The following LRRC4C variants were observed in gnomAD, a reference collection of about 807,000 sequenced individuals.
The protein encoded by LRRC4C is leucine rich repeat containing 4C, also known as leucine-rich repeat-containing protein 4C.
Under a neutral mutation model 33.6 loss-of-function variants are expected in LRRC4C, and 5 were observed. That is an observed-to-expected ratio of 0.15 (90% CI 0.08 to 0.31). The LOEUF is 0.31. Among genes scored for constraint, LRRC4C ranks in the 10% least tolerant of loss-of-function variants. The pLI, the probability that LRRC4C is intolerant of heterozygous loss-of-function variation, is 1.00. For synonymous variants in LRRC4C, 329 were observed against 302.0 expected (o/e 1.09, Z -0.93); for missense variants, 560 against 796.7 (o/e 0.70, Z 3.58).
intron 3 of LRRC4C, among the ~76,000 whole-genome samples, chr11:40,495,641 T>G (rs1161611858): frequency 1.3e-5 from 2 of 152,004 alleles, no homozygotes; most frequent in Non-Finnish European, 2.9e-5. Context: ...TTGGTGACTT[T>G]CTACCAGTAA....
intron 3 of LRRC4C, among the ~76,000 whole-genome samples, chr11:40,366,983 G>A (rs1402080083): frequency 6.6e-6 from 1 of 152,064 alleles, no homozygotes; most frequent in East Asian, 1.9e-4. Flanking sequence ...TACTACATCT[G>A]TTTCTGAGAC....
intron 1 of LRRC4C, among the ~76,000 whole-genome samples, chr11:40,954,265 T>A (rs1958850538): frequency 6.6e-6 from 1 of 151,898 alleles, no homozygotes; most frequent in South Asian, 2.1e-4. Context: ...GATTTATAAA[T>A]CTTGGAATAA....
At chr11:40,540,705 G>T (rs1220984245) in intron 3 of LRRC4C, among the ~76,000 whole-genome samples, 1 of 151,976 alleles carries the variant, frequency 6.6e-6, no homozygotes, top group Non-Finnish European at 1.5e-5. Flanking sequence ...TGTTCATCTA[G>T]TACCCCACAT....
intron 5 of LRRC4C, among the ~76,000 whole-genome samples, chr11:40,236,640 T>TC (rs1229448533): frequency 2.6e-5 from 4 of 151,818 alleles, no homozygotes; most frequent in Admixed American, 6.6e-5. Flanking sequence ...GGCACCCCCC[T>TC]CCCCCAGCTC....
At chr11:40,626,398 C>CAT (rs1962931307) in intron 3 of LRRC4C, among the ~76,000 whole-genome samples, 1 of 152,068 alleles carries the variant, frequency 6.6e-6, no homozygotes, top group Admixed American at 6.6e-5. Context: ...ATTGATTTGT[C>CAT]ATATATATTG....
intron 3 of LRRC4C, among the ~76,000 whole-genome samples, chr11:40,326,485 C>T (rs570610390): frequency 1.3e-5 from 2 of 151,614 alleles, no homozygotes; most frequent in East Asian, 1.9e-4. Flanking sequence ...TGCTTGAACC[C>T]GGGAGGCAGA....
chr11:40,625,533 C>G (rs1413559674), intron 3 of LRRC4C, among the ~76,000 whole-genome samples: 2 of 152,134 alleles, frequency 1.3e-5, no homozygotes, highest in Non-Finnish European at 2.9e-5. Flanking sequence ...ATTCACTTAC[C>G]TCCCAAAGGG....
At chr11:41,103,084 A>T (rs1431793476) in intron 1 of LRRC4C, among the ~76,000 whole-genome samples, 3 of 152,006 alleles carry the variant, frequency 2.0e-5, no homozygotes, top group African/African-American at 7.2e-5. Flanking sequence ...ATAAATATGT[A>T]TACTCTACCA....
At position 40,115,176 on chromosome 11, in the gene LRRC4C, G is replaced by A; in HGVS notation, c.1117C>T (p.Leu373=). The change falls in exon 7 of 7, where the codon CTG becomes TTG. Residue 373 remains leucine, a synonymous_variant. Coordinates refer to ENST00000528697, the MANE Select transcript of LRRC4C (RefSeq NM_001258419.2). The surrounding 1 kb of genome is among the most constrained non-coding windows in gnomAD (Gnocchi z 6.7). ...LNVTEGMAAE[L]KCRASTSLTS... The stretch of plus-strand genomic sequence containing the variant: ...AGGGATGTGGAGGCCCGACATTTCA[G>A]CTCAGCTGCCATGCCTTCAGTGACA... The A allele has an allele frequency of 6.2e-7, 1 of 1,614,192 alleles. No individual in the cohort carries two copies. Among genetic ancestry groups the A allele is most frequent in the South Asian group, 1.1e-5 (1 of 91,080 alleles).
At chr11:40,758,431 T>G (rs1021511285) in intron 2 of LRRC4C, among the ~76,000 whole-genome samples, 7 of 152,050 alleles carry the variant, frequency 4.6e-5, no homozygotes, top group Admixed American at 2.6e-4. Flanking sequence ...ATAATTTAAA[T>G]GCCCTCATTG....
At chr11:40,791,171 G>C (rs975190915) in intron 2 of LRRC4C, among the ~76,000 whole-genome samples, 1 of 152,042 alleles carries the variant, frequency 6.6e-6, no homozygotes, top group Non-Finnish European at 1.5e-5. Context: ...TGAATGTCCT[G>C]GTATATGGGA....
intron 1 of LRRC4C, among the ~76,000 whole-genome samples, chr11:40,957,004 G>C (rs1416593547): frequency 6.6e-6 from 1 of 151,750 alleles, no homozygotes; most frequent in South Asian, 2.1e-4. Context: ...GTTTAGTAAA[G>C]ATTTGAAAAT....
At chr11:40,125,958 G>A (rs1856191884) in intron 6 of LRRC4C, among the ~76,000 whole-genome samples, 1 of 152,078 alleles carries the variant, frequency 6.6e-6, no homozygotes, top group Non-Finnish European at 1.5e-5. Context: ...GGAGTATGTA[G>A]TTCTGTAGAT....
chr11:40,217,454 G>T (rs1235674038), intron 5 of LRRC4C, among the ~76,000 whole-genome samples: 1 of 151,956 alleles, frequency 6.6e-6, no homozygotes, highest in Non-Finnish European at 1.5e-5. Flanking sequence ...TAGTCAAAAG[G>T]CTCTGGATTG....
intron 2 of LRRC4C, among the ~76,000 whole-genome samples, chr11:40,681,672 G>A (rs1378820978): frequency 7.1e-6 from 1 of 141,784 alleles, no homozygotes; most frequent in Non-Finnish European, 1.5e-5. Context: ...AGCTGAGGCA[G>A]GTGGACCCCT....
intron 1 of LRRC4C, among the ~76,000 whole-genome samples, chr11:41,179,287 G>C (rs939609827): frequency 6.6e-6 from 1 of 151,764 alleles, no homozygotes; most frequent in Non-Finnish European, 1.5e-5. Flanking sequence ...GAAGATGGAA[G>C]AGATTTCAGA....
At chr11:41,331,395 C>A (rs986188767) in intron 1 of LRRC4C, among the ~76,000 whole-genome samples, 1 of 152,164 alleles carries the variant, frequency 6.6e-6, no homozygotes. Context: ...GCATCTGCCA[C>A]CGACAAAGAA....
At chr11:41,345,105 A>C (rs1381333585) in intron 1 of LRRC4C, among the ~76,000 whole-genome samples, 1 of 152,174 alleles carries the variant, frequency 6.6e-6, no homozygotes, top group African/African-American at 2.4e-5. Context: ...TATGATGAAA[A>C]TTCTGGTGAA....
chr11:41,149,192 G>A lies in LRRC4C; in HGVS notation c.-495-215469C>T, dbSNP rs542614131. ...TAAAAATTAAAGTGAGATAATTGAAGGGTAGAGAAGGGAATTAAAATGAAG... is the reference window on the plus strand; with the variant it reads ...TAAAAATTAAAGTGAGATAATTGAAAGGTAGAGAAGGGAATTAAAATGAAG... On this transcript the variant is annotated intron_variant, in intron 1 of 6. Coordinates refer to ENST00000528697, the MANE Select transcript of LRRC4C (RefSeq NM_001258419.2). Among the ~76,000 whole-genome samples the A allele has an allele frequency of 1.4e-3, 206 of 152,280 alleles. 1 individual carries two copies. Among genetic ancestry groups the A allele is most frequent in the African/African-American group, 4.7e-3 (197 of 41,552 alleles).
Sources: allele counts gnomAD v4.1 joint callset (sites outside exome capture counted in the v4.1 genomes callset), GRCh38; gene constraint gnomAD v4.1.1; non-coding constraint Gnocchi (gnomAD v3.1); transcripts MANE v1.5; gene names NCBI Gene and HGNC (gene_info 2026-07-23, HGNC 2026-07-21).